The following REV3L variants were observed in gnomAD, a reference collection of about 807,000 sequenced individuals.
REV3L encodes REV3 like, DNA directed polymerase zeta catalytic subunit.
A neutral mutation model predicts 299.4 loss-of-function variants in REV3L; 69 were observed. That is an observed-to-expected ratio of 0.23 (90% CI 0.19 to 0.28). REV3L has a LOEUF of 0.28. Ranked by LOEUF, REV3L falls within the 10% of genes least tolerant of loss-of-function variation. The pLI is 1.00. For missense variants in REV3L, 3,128 were observed against 3,693.8 expected (o/e 0.85, Z 3.97); for synonymous variants, 1,238 against 1,271.4 (o/e 0.97, Z 0.56).
chr6:111,412,362 A>C, intron 2 of REV3L: 3 of 592,416 alleles, frequency 5.1e-6, no homozygotes, highest in Non-Finnish European at 6.4e-6. Flanking sequence ...TGCAAGATGA[A>C]ATAAGCTGAA....
At chr6:111,324,480 GA>G (rs766452122) in intron 25 of REV3L, among the ~76,000 whole-genome samples, 1 of 152,150 alleles carries the variant, frequency 6.6e-6, no homozygotes, top group Non-Finnish European at 1.5e-5. Context: ...AATATGTGAG[GA>G]AAAAGAGCTG....
chr6:111,422,595 CACATATATATATATAT>C (rs1785528903), intron 1 of REV3L, among the ~76,000 whole-genome samples: 1 of 18,568 alleles, frequency 5.4e-5, no homozygotes. Flanking sequence ...TATATATATA[CACATATATATATATAT>C]ACACATATAT....
In REV3L at chr6:111,374,030, C is replaced by G. The variant is rs770070579; in HGVS notation, c.4325G>C (p.Cys1442Ser). The change falls in exon 13 of 32, where the codon TGT becomes TCT. Residue 1442 changes from cysteine to serine, a missense_variant. Cys to Ser is a moderately radical substitution (Grantham distance 112). Coordinates refer to ENST00000368802, the MANE Select transcript of REV3L (RefSeq NM_001372078.1). ...IAEQSKHSET[C>S]SPGNTASEES... ...CTCTGAAGCTGTATTTCCCGGAGAA[C>G]AAGTTTCACTGTGCTTTGACTGTTC... is the stretch of plus-strand genomic sequence containing the variant. The G allele has an allele frequency of 3.7e-6, 6 of 1,614,124 alleles. No homozygotes were observed. The South Asian group carries it at 5.5e-5, about 15-fold the overall frequency.
At chr6:111,420,204 G>GAAATCTATATGATTTAA (rs1785177239) in intron 1 of REV3L, among the ~76,000 whole-genome samples, 1 of 152,018 alleles carries the variant, frequency 6.6e-6, no homozygotes, top group East Asian at 1.9e-4. Context: ...ATAGATTTAA[G>GAAATCTATATGATTTAA]GAAAGAAAAT....
chr6:111,441,113 A>G (rs1470748735), intron 1 of REV3L, among the ~76,000 whole-genome samples: 2 of 152,072 alleles, frequency 1.3e-5, no homozygotes, highest in Non-Finnish European at 2.9e-5. Flanking sequence ...TACTTCAAAT[A>G]TTTATTTTGT....
At position 111,373,221 on chromosome 6, in the gene REV3L, T is replaced by C. The variant is rs1251272800; in HGVS notation, c.5134A>G (p.Thr1712Ala). ...QKCDEDKHHTTDSASWIRSGT... is the reference protein window; with the variant it reads ...QKCDEDKHHTADSASWIRSGT... ...GATCTAATCCATGAGGCTGAGTCTG[T>C]GGTATGATGCTTGTCTTCATCACAT... is the stretch of plus-strand genomic sequence containing the variant. Residue 1712 changes from threonine to alanine, a missense_variant, in exon 13 of 32, where the codon ACA becomes GCA. Around this residue, in one of 9 missense-constraint regions of REV3L, gnomAD observed 2,409 missense variants for 2,611.8 expected, o/e 0.92. Coordinates refer to ENST00000368802, the MANE Select transcript of REV3L (RefSeq NM_001372078.1). The C allele has an allele frequency of 6.2e-7, 1 of 1,614,004 alleles. No homozygotes were observed. Among genetic ancestry groups the C allele is most frequent in the African/African-American group, 1.3e-5 (1 of 74,920 alleles).
At chr6:111,449,243 G>A (rs1001862529) in intron 1 of REV3L, among the ~76,000 whole-genome samples, 2 of 152,192 alleles carry the variant, frequency 1.3e-5, no homozygotes, top group African/African-American at 4.8e-5. Flanking sequence ...AACAAACATT[G>A]TAAGTCCTTC....
chr6:111,341,201 C>A (rs1776450147), intron 21 of REV3L, among the ~76,000 whole-genome samples: 1 of 152,070 alleles, frequency 6.6e-6, no homozygotes, highest in Non-Finnish European at 1.5e-5. Context: ...TGTGCACCAC[C>A]ATGCCCGGCT....
At chr6:111,370,487 C>T (rs1779692054) in intron 13 of REV3L, among the ~76,000 whole-genome samples, 3 of 152,118 alleles carry the variant, frequency 2.0e-5, no homozygotes, top group Non-Finnish European at 4.4e-5. Flanking sequence ...AACCTTTTCT[C>T]ACCCCTTTAT....
rs539047867 is a variant in REV3L at position 111,358,880 on chromosome 6, T to C, written c.7014A>G (p.Glu2338=). ...ISSDTPLPDT[E]KTELTGVIVI... Reference sequence around the variant, plus strand: ...CTATTACACCTGTGAGTTCTGTTTTTTCTGTATCTGGCAGTGGAGTGTCAG... The same window carrying C: ...CTATTACACCTGTGAGTTCTGTTTTCTCTGTATCTGGCAGTGGAGTGTCAG... Residue 2338 remains glutamate (E), a synonymous_variant, in exon 17 of 32, where the codon GAA becomes GAG. Transcript: ENST00000368802. The C allele has an allele frequency of 1.2e-6, 2 of 1,614,068 alleles. No individual in the cohort carries two copies. Among genetic ancestry groups the C allele is most frequent in the Non-Finnish European group, 1.7e-6 (2 of 1,179,982 alleles).
chr6:111,308,320 C>T (rs1178419323), intron 30 of REV3L: 2 of 449,580 alleles, frequency 4.4e-6, no homozygotes, highest in Non-Finnish European at 8.9e-6. Context: ...ATGAAATGAA[C>T]ATTAGTAATA....
chr6:111,368,050 C>G, intron 13 of REV3L, 22 bp from the exon 14 acceptor site: 2 of 1,543,956 alleles, frequency 1.3e-6, no homozygotes, highest in Non-Finnish European at 1.7e-6. Context: ...TATTTTAGAA[C>G]AACTGTTTTG....
intron 1 of REV3L, among the ~76,000 whole-genome samples, chr6:111,464,026 T>G (rs1324504620): frequency 6.6e-6 from 1 of 152,102 alleles, no homozygotes; most frequent in African/African-American, 2.4e-5. Flanking sequence ...CTCCCATCAC[T>G]GATTAAATCA....
chr6:111,393,481 T>C (rs1357777002), intron 4 of REV3L, among the ~76,000 whole-genome samples: 1 of 152,196 alleles, frequency 6.6e-6, no homozygotes, highest in East Asian at 1.9e-4. Context: ...GCCCAAACAT[T>C]ATTCACCATT....
At chr6:111,345,103 G>T (rs1243827669) in intron 20 of REV3L, among the ~76,000 whole-genome samples, 1 of 152,048 alleles carries the variant, frequency 6.6e-6, no homozygotes, top group Non-Finnish European at 1.5e-5. Context: ...AAATGAGGAA[G>T]GATTATAAAA....
At chr6:111,330,150 C>T in intron 24 of REV3L, 1 of 365,488 alleles carries the variant, frequency 2.7e-6, no homozygotes, top group Middle Eastern at 3.8e-4. Flanking sequence ...CCTAATGACC[C>T]CACACAGAAA....
intron 26 of REV3L, among the ~76,000 whole-genome samples, chr6:111,320,700 T>G (rs1479498657): frequency 1.3e-5 from 2 of 152,106 alleles, no homozygotes; most frequent in Non-Finnish European, 1.5e-5. Flanking sequence ...CAGGCTGGAG[T>G]GCAGTGGCAT....
chr6:111,367,332 C>T lies in REV3L; in HGVS notation c.6456G>A (p.Leu2152=), dbSNP rs560024396. The T allele has an allele frequency of 6.2e-7, 1 of 1,607,224 alleles. No individual in the cohort carries two copies. The highest frequency in any genetic ancestry group is 2.2e-5 in the East Asian group (1 of 44,832). ...AGAAGTTCTCAAAAGCCAATGAAGG[C>T]AGCTCCTCTACTGGTGATGAGGGTC... ...DDRPSSPVEE[L]PSLAFENFLK... The change falls in exon 14 of 32, where the codon CTG becomes CTA. Residue 2152 remains leucine (L), a synonymous_variant. Coordinates refer to ENST00000368802, the MANE Select transcript of REV3L (RefSeq NM_001372078.1).
intron 31 of REV3L, among the ~76,000 whole-genome samples, chr6:111,302,237 C>G (rs990805726): frequency 1.4e-4 from 21 of 152,176 alleles, no homozygotes; most frequent in African/African-American, 5.1e-4. Context: ...TATGATGAAG[C>G]CTTTGCTAAT....
Sources: allele counts gnomAD v4.1 joint callset (sites outside exome capture counted in the v4.1 genomes callset), GRCh38; gene constraint gnomAD v4.1.1; regional missense constraint gnomAD v4.1.1; transcripts MANE v1.5; gene names NCBI Gene and HGNC (gene_info 2026-07-23, HGNC 2026-07-21).